Variants in RNF220 observed in about 807,000 individuals in gnomAD.
RNF220 encodes E3 ubiquitin-protein ligase RNF220.
In RNF220, 7 loss-of-function variants were observed where a neutral mutation model predicts 67.1. The ratio of observed to expected loss-of-function variants is 0.10; its 90% CI spans 0.06 to 0.20. The LOEUF (loss-of-function observed/expected upper bound fraction) is 0.20. Among genes scored for constraint, RNF220 ranks in the 10% least tolerant of loss-of-function variants. RNF220 has a pLI of 1.00. For synonymous variants in RNF220, 270 were observed against 283.2 expected, an observed-to-expected ratio of 0.95 and a Z score of 0.47; for missense variants, 565 against 740.3, an observed-to-expected ratio of 0.76 and a Z score of 2.75.
chr1:44,423,834 T>G, intron 2 of RNF220: 1 of 985,362 alleles, frequency 1.0e-6, no homozygotes, highest in Non-Finnish European at 1.2e-6. Context: ...AGGCTTGACT[T>G]TCGCGAGGGA....
chr1:44,443,229 CT>C (rs1320967169), intron 2 of RNF220, among the ~76,000 whole-genome samples: 1 of 152,206 alleles, frequency 6.6e-6, no homozygotes, highest in African/African-American at 2.4e-5. Context: ...CTGTATCTCC[CT>C]TTGTATTGCC....
intron 2 of RNF220, among the ~76,000 whole-genome samples, chr1:44,560,957 C>T (rs1439611023): frequency 6.6e-6 from 1 of 152,152 alleles, no homozygotes; most frequent in Non-Finnish European, 1.5e-5. Flanking sequence ...CCTTGTGTAG[C>T]GAATCGCCTC....
At chr1:44,413,647 G>A (rs544560019) in intron 2 of RNF220, among the ~76,000 whole-genome samples, 1 of 152,296 alleles carries the variant, frequency 6.6e-6, no homozygotes, top group South Asian at 2.1e-4. Flanking sequence ...GAGAATTTAT[G>A]AACTGAGGGT....
chr1:44,407,128 C>T (rs964987866), intron 1 of RNF220, among the ~76,000 whole-genome samples: 3 of 152,148 alleles, frequency 2.0e-5, no homozygotes, highest in Non-Finnish European at 2.9e-5. Flanking sequence ...ACAGCCCTAC[C>T]TGGCCGGCCC....
At position 44,649,640 on chromosome 1, in the gene RNF220, A is replaced by C; in HGVS notation, c.1446-21A>C. ...ATGAGAGATGCCAGCCTGCTACCCA[A>C]CCATGCCTTCCTTTTTACAGAATCA... On this transcript the variant is annotated intron_variant, in intron 12 of 14. Transcript: ENST00000361799. The surrounding 1 kb of genome is among the most constrained non-coding windows in gnomAD (Gnocchi z 5.9). 6.2e-7 allele frequency: 1 copy of C among 1,611,658 alleles called. No individual in the cohort carries two copies. Among genetic ancestry groups the C allele is most frequent in the Non-Finnish European group, 8.5e-7 (1 of 1,177,810 alleles).
At chr1:44,539,898 A>T (rs1336047443) in intron 2 of RNF220, among the ~76,000 whole-genome samples, 5 of 152,060 alleles carry the variant, frequency 3.3e-5, no homozygotes, top group African/African-American at 1.2e-4. Flanking sequence ...TTCTTGATTG[A>T]CCTCTTTTGC....
In RNF220 at chr1:44,446,747, C is replaced by T. The variant is rs1327154581; in HGVS notation, c.625+34025C>T. Among the ~76,000 whole-genome samples, 14 of 152,132 alleles carry T rather than the reference C, an allele frequency of 9.2e-5. No homozygotes were observed. In the South Asian group the frequency reaches 1.5e-3, roughly 16 times the overall value. On this transcript the variant is annotated intron_variant, in intron 2 of 14. Coordinates refer to ENST00000361799, the MANE Select transcript of RNF220 (RefSeq NM_018150.4). ...CTAATTTTTGTATTTTTAGTAGAGA[C>T]GGGGTTTCACCATGCTGGCCAGGCT...
intron 2 of RNF220, among the ~76,000 whole-genome samples, chr1:44,570,849 A>C (rs1309888822): frequency 1.3e-5 from 2 of 152,124 alleles, no homozygotes; most frequent in African/African-American, 4.8e-5. Flanking sequence ...CAAGGCGGGT[A>C]GGTCATTTGA....
chr1:44,544,963 G>A (rs1479984350), intron 2 of RNF220, among the ~76,000 whole-genome samples: 1 of 152,216 alleles, frequency 6.6e-6, no homozygotes, highest in Non-Finnish European at 1.5e-5. Flanking sequence ...ATGCAACCAG[G>A]AAATACTTAT....
chr1:44,509,176 A>G lies in RNF220; in HGVS notation c.625+96454A>G, dbSNP rs541202956. Among the ~76,000 whole-genome samples the G allele has an allele frequency of 4.6e-5, 7 of 152,336 alleles. No homozygotes were observed. The East Asian group carries it at 1.3e-3, about 29-fold the overall frequency. On this transcript the variant is annotated intron_variant, in intron 2 of 14. Coordinates refer to ENST00000361799, the MANE Select transcript of RNF220 (RefSeq NM_018150.4). ...CTACTCAAGTGAGCTGAGGCAAAAG[A>G]GGTAATAAAGCCAATGGTTTCATTT...
intron 5 of RNF220, chr1:44,632,117 G>A (rs924511537): frequency 1.3e-5 from 20 of 1,490,650 alleles, no homozygotes; most frequent in Non-Finnish European, 1.7e-5. Flanking sequence ...GCACCGCGCA[G>A]CGGCCACGGG....
chr1:44,634,933 C>T (rs1341299993), intron 6 of RNF220, among the ~76,000 whole-genome samples: 3 of 152,144 alleles, frequency 2.0e-5, no homozygotes, highest in African/African-American at 7.2e-5. Context: ...GACCTGGCTG[C>T]CAAAGGTCTG....
At chr1:44,415,524 C>T (rs1457236119) in intron 2 of RNF220, among the ~76,000 whole-genome samples, 1 of 151,882 alleles carries the variant, frequency 6.6e-6, no homozygotes, top group Non-Finnish European at 1.5e-5. Flanking sequence ...CACACACACA[C>T]GTGTATATAT....
intron 2 of RNF220, among the ~76,000 whole-genome samples, chr1:44,550,386 T>C (rs1662533115): frequency 6.6e-6 from 1 of 152,154 alleles, no homozygotes; most frequent in Admixed American, 6.5e-5. Flanking sequence ...GCACATTAGC[T>C]GGGAAGGCTG....
At chr1:44,602,754 T>TGCCCC (rs1308201204) in intron 2 of RNF220, among the ~76,000 whole-genome samples, 3 of 151,650 alleles carry the variant, frequency 2.0e-5, no homozygotes, top group South Asian at 2.1e-4. Context: ...TCCCCTGCCC[T>TGCCCC]GCCCCACCCC....
intron 2 of RNF220, among the ~76,000 whole-genome samples, chr1:44,431,593 GA>G (rs1176690982): frequency 3.3e-5 from 5 of 151,942 alleles, no homozygotes; most frequent in African/African-American, 1.2e-4. Flanking sequence ...GTGCTAAATG[GA>G]ATTCCATTTA....
At position 44,650,154 on chromosome 1, in the gene RNF220, TTCTCC is replaced by T; in HGVS notation, c.1629+198_1629+202del. 1 of 617,946 alleles carries T rather than the reference TTCTCC, an allele frequency of 1.6e-6. No individual in the cohort carries two copies. The highest frequency in any genetic ancestry group is 2.8e-6 in the Non-Finnish European group (1 of 353,838). 38.3% of individuals were successfully genotyped at this position (617,946 alleles called of 1,614,324 possible). On this transcript the variant is annotated intron_variant, in intron 14 of 14. Coordinates refer to ENST00000361799, the MANE Select transcript of RNF220 (RefSeq NM_018150.4). This position sits in a 1 kb window ranked among gnomAD's most constrained non-coding sequence, Gnocchi z 4.3. ...CCTCCCCAACTGCAGGTTTAGGAAC[TTCTCC>T]CCCTCCATGAGTTCACTGCATTCTC...
intron 2 of RNF220, among the ~76,000 whole-genome samples, chr1:44,548,258 T>C (rs563245185): frequency 4.3e-4 from 66 of 152,294 alleles, no homozygotes; most frequent in Non-Finnish European, 3.5e-4. Context: ...CACCATCCAG[T>C]CTTTCTCCCT....
At chr1:44,527,201 C>T (rs1660445240) in intron 2 of RNF220, among the ~76,000 whole-genome samples, 1 of 152,018 alleles carries the variant, frequency 6.6e-6, no homozygotes, top group Non-Finnish European at 1.5e-5. Flanking sequence ...CCTTGCAGAG[C>T]ACCTCCAGAC....
Sources: gnomAD v4.1 joint callset for allele counts (sites outside exome capture counted in the v4.1 genomes callset) on GRCh38, gnomAD v4.1.1 for gene constraint, Gnocchi (gnomAD v3.1) non-coding constraint, MANE v1.5 for transcripts, NCBI Gene and HGNC (gene_info 2026-07-23, HGNC 2026-07-21) for gene names.